RUNDC3B: variants seen among roughly 807,000 people sequenced by gnomAD.
RUNDC3B encodes RUN domain containing 3B, also known as RUN domain-containing protein 3B.
A neutral mutation model predicts 58.4 loss-of-function variants in RUNDC3B; 33 were observed. The observed-to-expected ratio is 0.56, with a 90% confidence interval of 0.43 to 0.75. The LOEUF (loss-of-function observed/expected upper bound fraction) is 0.75. Ranked by LOEUF, RUNDC3B falls within the 30% of genes least tolerant of loss-of-function variation. The pLI is 0.00. For synonymous variants in RUNDC3B, 193 were observed against 195.2 expected (o/e 0.99, Z 0.10); for missense variants, 501 against 535.7 (o/e 0.94, Z 0.64).
At chr7:87,815,632 G>A (rs1375161169) in intron 9 of RUNDC3B, among the ~76,000 whole-genome samples, 1 of 151,810 alleles carries the variant, frequency 6.6e-6, no homozygotes, top group Non-Finnish European at 1.5e-5. Flanking sequence ...TTATTACCCA[G>A]CAGTTTTTAA....
At chr7:87,701,811 A>C (rs934547823) in intron 3 of RUNDC3B, among the ~76,000 whole-genome samples, 1 of 152,210 alleles carries the variant, frequency 6.6e-6, no homozygotes, top group African/African-American at 2.4e-5. Flanking sequence ...ATATCTAATT[A>C]TCTTGTAAAG....
intron 1 of RUNDC3B, among the ~76,000 whole-genome samples, chr7:87,629,994 T>C (rs1410852047): frequency 1.3e-5 from 2 of 152,128 alleles, no homozygotes; most frequent in East Asian, 3.8e-4. Flanking sequence ...TGCTGATATA[T>C]TTTCTTTAAG....
intron 6 of RUNDC3B, among the ~76,000 whole-genome samples, chr7:87,767,247 T>C (rs1834023025): frequency 6.6e-6 from 1 of 152,240 alleles, no homozygotes; most frequent in African/African-American, 2.4e-5. Flanking sequence ...AATTTTCATT[T>C]TGGTTAGGAT....
chr7:87,663,722 T>G (rs1003621990), intron 2 of RUNDC3B, among the ~76,000 whole-genome samples: 1 of 152,152 alleles, frequency 6.6e-6, no homozygotes, highest in African/African-American at 2.4e-5. Context: ...TATAACAAAA[T>G]ACTACATACT....
chr7:87,759,516 G>A (rs1210651795), intron 6 of RUNDC3B, among the ~76,000 whole-genome samples: 5 of 152,158 alleles, frequency 3.3e-5, no homozygotes, highest in Non-Finnish European at 5.9e-5. Flanking sequence ...GACACATGTG[G>A]TTGGGCATGG....
At chr7:87,739,680 A>C (rs1290512298) in intron 4 of RUNDC3B, 111 bp from the exon 5 acceptor site, 2 of 437,720 alleles carry the variant, frequency 4.6e-6, no homozygotes, top group African/African-American at 4.1e-5. Context: ...AAAAATACAA[A>C]TTAAATAAAA....
chr7:87,823,474 G>A (rs955132548), intron 10 of RUNDC3B, among the ~76,000 whole-genome samples: 4 of 151,176 alleles, frequency 2.6e-5, no homozygotes, highest in Admixed American at 6.6e-5. Context: ...GGTTACATGA[G>A]TAAGTTCTTT....
chr7:87,683,503 A>G (rs1461574697), intron 2 of RUNDC3B, among the ~76,000 whole-genome samples: 2 of 152,176 alleles, frequency 1.3e-5, no homozygotes, highest in Non-Finnish European at 2.9e-5. Flanking sequence ...TAATTGGCCT[A>G]ATTTCAGTAT....
At chr7:87,724,887 T>C (rs545651279) in intron 4 of RUNDC3B, among the ~76,000 whole-genome samples, 1 of 152,178 alleles carries the variant, frequency 6.6e-6, no homozygotes, top group South Asian at 2.1e-4. Flanking sequence ...ATTTTTGTGA[T>C]AATTTACTTT....
chr7:87,718,601 T>C (rs1472347159), intron 4 of RUNDC3B, among the ~76,000 whole-genome samples: 1 of 152,060 alleles, frequency 6.6e-6, no homozygotes, highest in East Asian at 1.9e-4. Flanking sequence ...CATCTAAAAG[T>C]AAAAACCAGC....
At chr7:87,738,866 G>A (rs1182431110) in intron 4 of RUNDC3B, among the ~76,000 whole-genome samples, 3 of 151,802 alleles carry the variant, frequency 2.0e-5, no homozygotes, top group African/African-American at 7.2e-5. Context: ...ATTTTTTGCA[G>A]AATTTATAAA....
intron 6 of RUNDC3B, among the ~76,000 whole-genome samples, chr7:87,763,616 G>A (rs1021364190): frequency 6.6e-6 from 1 of 151,414 alleles, no homozygotes; most frequent in Non-Finnish European, 1.5e-5. Flanking sequence ...CATTTTACAA[G>A]TTCTTTCTTC....
chr7:87,798,384 C>T (rs1256621506), intron 8 of RUNDC3B, among the ~76,000 whole-genome samples: 1 of 152,118 alleles, frequency 6.6e-6, no homozygotes, highest in East Asian at 1.9e-4. Flanking sequence ...TTACAAAACA[C>T]TTCTTGTTTG....
At chr7:87,743,803 G>T (rs535809051) in intron 6 of RUNDC3B, among the ~76,000 whole-genome samples, 2 of 152,126 alleles carry the variant, frequency 1.3e-5, no homozygotes, top group Non-Finnish European at 2.9e-5. Context: ...CCGTGCAAAA[G>T]CTCTTTAGTT....
chr7:87,774,489 T>A (rs996762773), intron 7 of RUNDC3B, among the ~76,000 whole-genome samples: 15 of 152,170 alleles, frequency 9.9e-5, no homozygotes, highest in South Asian at 2.1e-4. Flanking sequence ...ATAATTTTTT[T>A]AAAAAATTAA....
chr7:87,733,564 C>T (rs1165755596), intron 4 of RUNDC3B, among the ~76,000 whole-genome samples: 1 of 152,170 alleles, frequency 6.6e-6, no homozygotes, highest in Non-Finnish European at 1.5e-5. Context: ...TCTGATAAGG[C>T]AGCGGTCCCC....
Position 87,748,443 on chromosome 7 carries a change from A to G in RUNDC3B, c.629+6864A>G, listed in dbSNP as rs768419163. Among the ~76,000 whole-genome samples the G allele has an allele frequency of 5.3e-5, 8 of 152,260 alleles. No homozygotes were observed. In the East Asian group the frequency reaches 7.7e-4, roughly 15 times the overall value. ...AGTCGATCTGGAGCTAAAATTCACA[A>G]TGCAAGCCTCCGCAGGCTGCTCTGT... On this transcript the variant is annotated intron_variant, in intron 6 of 10. Transcript: ENST00000394654.
chr7:87,628,616 TGTGTGTGTGG>T lies in RUNDC3B; in HGVS notation c.-207_-198del, dbSNP rs1242843703. On this transcript the variant is annotated 5_prime_UTR_variant, in exon 1 of 11. Transcript: ENST00000394654. ...GTGTGTGTGTGTGTGTGTGTGTGTG[TGTGTGTGTGG>T]AGCTCGGGTGCCAAGGGCGAGCCGT... The T allele has an allele frequency of 2.5e-5, 8 of 315,318 alleles. No homozygotes were observed. The highest frequency in any genetic ancestry group is 1.9e-4 in the South Asian group (1 of 5,142). 19.5% of individuals were successfully genotyped at this position (315,318 alleles called of 1,614,324 possible).
intron 8 of RUNDC3B, among the ~76,000 whole-genome samples, chr7:87,795,372 A>T (rs1363904758): frequency 6.6e-6 from 1 of 152,234 alleles, no homozygotes; most frequent in African/African-American, 2.4e-5. Flanking sequence ...CAGGCATATG[A>T]AAAGGTGCTC....
Sources: gnomAD v4.1 joint callset for allele counts (sites outside exome capture counted in the v4.1 genomes callset) on GRCh38, gnomAD v4.1.1 for gene constraint, MANE v1.5 for transcripts, NCBI Gene and HGNC (gene_info 2026-07-23, HGNC 2026-07-21) for gene names.